The following ATP11A variants were observed in gnomAD, a reference collection of about 807,000 sequenced individuals.
The protein encoded by ATP11A is phospholipid-transporting ATPase IH.
In ATP11A, 81 loss-of-function variants were observed where a neutral mutation model predicts 154.4. That is an observed-to-expected ratio of 0.52 (90% CI 0.44 to 0.63). The LOEUF (loss-of-function observed/expected upper bound fraction) is 0.63, where lower values mean the gene tolerates loss of function less well. Ranked by LOEUF, ATP11A falls within the 30% of genes least tolerant of loss-of-function variation. The pLI is 0.00. For synonymous variants in ATP11A, 623 were observed against 585.9 expected (o/e 1.06, Z -0.91); for missense variants, 1,316 against 1,474.3 (o/e 0.89, Z 1.76).
At chr13:112,740,596 A>T (rs190799076) in intron 1 of ATP11A, among the ~76,000 whole-genome samples, 1 of 152,204 alleles carries the variant, frequency 6.6e-6, no homozygotes, top group Admixed American at 6.5e-5. Context: ...TTAAAATGCA[A>T]CGTAGCCCAG....
At chr13:112,824,293 G>C (rs2078876646) in intron 9 of ATP11A, 51 bp from the exon 10 acceptor site, 1 of 1,423,776 alleles carries the variant, frequency 7.0e-7, no homozygotes, top group South Asian at 1.1e-5. Context: ...CTCACCATAA[G>C]GCAAGACACA....
At chr13:112,810,219 G>T (rs751098805) in intron 4 of ATP11A, among the ~76,000 whole-genome samples, 1 of 152,236 alleles carries the variant, frequency 6.6e-6, no homozygotes, top group Admixed American at 6.5e-5. Context: ...CTGGCTCCAC[G>T]TCTTCGGGGC....
chr13:112,691,653 G>A (rs770405962), intron 1 of ATP11A, among the ~76,000 whole-genome samples: 59 of 152,082 alleles, frequency 3.9e-4, no homozygotes, highest in Non-Finnish European at 6.8e-4. Flanking sequence ...AGAGAGGGCA[G>A]TATTATGGGA....
At chr13:112,852,564 C>G (rs922347958) in intron 18 of ATP11A, among the ~76,000 whole-genome samples, 3 of 152,212 alleles carry the variant, frequency 2.0e-5, no homozygotes, top group African/African-American at 7.2e-5. Flanking sequence ...TGCGTCCTTG[C>G]TCTAGTGGCC....
chr13:112,881,569 G>A (rs190810521), intron 29 of ATP11A: 24 of 1,155,152 alleles, frequency 2.1e-5, no homozygotes, highest in South Asian at 8.8e-5. Context: ...ACAGGGGGAC[G>A]GTCACTCTGT....
rs558877440 is a variant in ATP11A at position 112,782,861 on chromosome 13, G to A, written c.40-2274G>A. Among the ~76,000 whole-genome samples the A allele has an allele frequency of 5.3e-5, 8 of 152,366 alleles. No homozygotes were observed. The East Asian group carries it at 1.5e-3, about 29-fold the overall frequency. The stretch of plus-strand genomic sequence containing the variant: ...GGAAAACTGCGTCTGGCTCATTTGA[G>A]GGTGGAGTGTTCCTCCCTGGCCTGG... On this transcript the variant is annotated intron_variant, in intron 1 of 29. Coordinates refer to ENST00000375645, the MANE Select transcript of ATP11A (RefSeq NM_015205.3).
At chr13:112,810,396 T>A (rs1294132834) in intron 4 of ATP11A, among the ~76,000 whole-genome samples, 1 of 152,258 alleles carries the variant, frequency 6.6e-6, no homozygotes, top group East Asian at 1.9e-4. Context: ...GTCTTCGAAG[T>A]TCTACAACTG....
intron 1 of ATP11A, among the ~76,000 whole-genome samples, chr13:112,730,644 T>C (rs1890391858): frequency 6.6e-6 from 1 of 152,136 alleles, no homozygotes; most frequent in African/African-American, 2.4e-5. Context: ...CCTGGTGAAA[T>C]TGCGCCCTTC....
intron 9 of ATP11A, 75 bp downstream of exon 9, chr13:112,823,484 G>A (rs776903712): frequency 5.2e-5 from 65 of 1,260,268 alleles, no homozygotes; most frequent in Middle Eastern, 1.9e-4. Flanking sequence ...AACCCGCAGC[G>A]GAACCCGAGA....
In ATP11A at chr13:112,785,669, C is replaced by T. The variant is rs539351003; in HGVS notation, c.162+412C>T. 6.6e-6 allele frequency among the ~76,000 whole-genome samples: 1 copy of T among 152,138 alleles called. No individual in the cohort carries two copies. The highest frequency in any genetic ancestry group is 2.4e-5 in the African/African-American group (1 of 41,428). On this transcript the variant is annotated intron_variant, in intron 2 of 29. Coordinates refer to ENST00000375645, the MANE Select transcript of ATP11A (RefSeq NM_015205.3). The surrounding 1 kb of genome is among the most constrained non-coding windows in gnomAD (Gnocchi z 4.8). ...CCACCCCGGAGAAAGAGCCAACAAACGCAGGCTGGACAGCAAAACCTGGGG... is the reference window on the plus strand; with the variant it reads ...CCACCCCGGAGAAAGAGCCAACAAATGCAGGCTGGACAGCAAAACCTGGGG...
chr13:112,851,746 T>TTCCTGGCC (rs1298922323), intron 18 of ATP11A: 1 of 152,238 alleles, frequency 6.6e-6, no homozygotes, highest in Non-Finnish European at 1.5e-5. Context: ...TAGTCTCAAA[T>TTCCTGGCC]TCCTGGCCTC....
chr13:112,836,556 C>T (rs1250087022), intron 16 of ATP11A, among the ~76,000 whole-genome samples: 1 of 152,248 alleles, frequency 6.6e-6, no homozygotes, highest in Non-Finnish European at 1.5e-5. Context: ...GAAAGTTCCT[C>T]TGCCCATCCC....
chr13:112,736,023 G>T (rs1566403193), intron 1 of ATP11A, among the ~76,000 whole-genome samples: 1 of 152,180 alleles, frequency 6.6e-6, no homozygotes, highest in African/African-American at 2.4e-5. Context: ...CAGGTGCAGG[G>T]CCTCCTCCCG....
Position 112,884,128 on chromosome 13 carries a change from G to T in ATP11A, c.*2262G>T, listed in dbSNP as rs1008094008. The T allele has an allele frequency of 2.0e-5, 3 of 152,406 alleles. No individual in the cohort carries two copies. Among genetic ancestry groups the T allele is most frequent in the African/African-American group, 7.2e-5 (3 of 41,408 alleles). The allele number at this position is 152,406 out of a possible 1,614,324, so 9.4% of individuals were successfully genotyped here. A position where few individuals can be genotyped will look rare whatever the true frequency, so the allele number is the denominator to read the frequency against. On this transcript the variant is annotated 3_prime_UTR_variant, in exon 30 of 30. Transcript: ENST00000375645. ...GAATGTTCCAATCTCTGATGAATGC[G>T]AATTTTCAGATTTGATTTTATTCTC... is the stretch of plus-strand genomic sequence containing the variant.
At chr13:112,776,634 C>T (rs902779379) in intron 1 of ATP11A, among the ~76,000 whole-genome samples, 2 of 152,124 alleles carry the variant, frequency 1.3e-5, no homozygotes, top group Non-Finnish European at 2.9e-5. Context: ...CTCAATCTGT[C>T]GTCCAGGCTG....
At chr13:112,737,715 G>A (rs542315918) in intron 1 of ATP11A, among the ~76,000 whole-genome samples, 2 of 152,338 alleles carry the variant, frequency 1.3e-5, no homozygotes, top group African/African-American at 4.8e-5. Flanking sequence ...CAGGCTGTAA[G>A]GTTACATGGT....
intron 13 of ATP11A, among the ~76,000 whole-genome samples, chr13:112,831,960 C>CTGT (rs2079102432): frequency 1.6e-5 from 1 of 62,678 alleles, no homozygotes; most frequent in African/African-American, 1.3e-4. Context: ...CAGACACACA[C>CTGT]ACTCACACAT....
intron 17 of ATP11A, among the ~76,000 whole-genome samples, chr13:112,850,471 C>A (rs1456884085): frequency 6.6e-6 from 1 of 152,176 alleles, no homozygotes; most frequent in Non-Finnish European, 1.5e-5. Flanking sequence ...ATGGTAACAT[C>A]CAGAATGATG....
intron 1 of ATP11A, among the ~76,000 whole-genome samples, chr13:112,725,601 C>A (rs2139660944): frequency 6.6e-6 from 1 of 152,328 alleles, no homozygotes; most frequent in Non-Finnish European, 1.5e-5. Flanking sequence ...GTGTGGGAAG[C>A]TTTTCTCGTG....
Sources: allele counts gnomAD v4.1 joint callset (sites outside exome capture counted in the v4.1 genomes callset), GRCh38; gene constraint gnomAD v4.1.1; non-coding constraint Gnocchi (gnomAD v3.1); transcripts MANE v1.5; gene names NCBI Gene and HGNC (gene_info 2026-07-23, HGNC 2026-07-21).